DACH1: variants seen among roughly 807,000 people sequenced by gnomAD.
The protein encoded by DACH1 is dachshund family transcription factor 1.
DACH1 carries 12 observed loss-of-function variants against 54.2 expected under a neutral mutation model. The observed-to-expected ratio is 0.22, with a 90% CI of 0.14 to 0.36. DACH1 has a LOEUF of 0.36. Ranked by LOEUF, DACH1 falls within the 10% of genes least tolerant of loss-of-function variation. The pLI is 1.00. For missense variants in DACH1, 805 were observed against 929.8 expected, an observed-to-expected ratio of 0.87 and a Z score of 1.75; for synonymous variants, 386 against 366.2, an observed-to-expected ratio of 1.05 and a Z score of -0.62.
At chr13:71,810,352 G>C (rs544739123) in intron 1 of DACH1, among the ~76,000 whole-genome samples, 1 of 152,004 alleles carries the variant, frequency 6.6e-6, no homozygotes. Context: ...AAAAGAGTAC[G>C]GGCAAAGAGA....
chr13:71,809,999 T>C (rs1027560722), intron 1 of DACH1, among the ~76,000 whole-genome samples: 1 of 152,214 alleles, frequency 6.6e-6, no homozygotes, highest in Admixed American at 6.6e-5. Context: ...TGTGTGTGTA[T>C]GCTGTAGACA....
At chr13:71,451,644 T>C (rs1875070706) in intron 10 of DACH1, among the ~76,000 whole-genome samples, 1 of 152,268 alleles carries the variant, frequency 6.6e-6, no homozygotes, top group Admixed American at 6.5e-5. Flanking sequence ...TTTTCAAAAA[T>C]GTCAATTTTA....
chr13:71,542,776 C>CATGTT (rs1297072894), intron 6 of DACH1, among the ~76,000 whole-genome samples: 1 of 152,118 alleles, frequency 6.6e-6, no homozygotes, highest in East Asian at 1.9e-4. Flanking sequence ...GTACCATCCA[C>CATGTT]ATGTTATAGA....
intron 1 of DACH1, among the ~76,000 whole-genome samples, chr13:71,850,005 C>T (rs957948324): frequency 2.0e-5 from 3 of 152,172 alleles, no homozygotes; most frequent in Non-Finnish European, 4.4e-5. Flanking sequence ...CGCTTACACT[C>T]CTAATGTTGC....
intron 6 of DACH1, among the ~76,000 whole-genome samples, chr13:71,540,603 T>C (rs1035981884): frequency 6.6e-6 from 1 of 152,128 alleles, no homozygotes; most frequent in Non-Finnish European, 1.5e-5. Flanking sequence ...ATGAAACTGA[T>C]ACTACATATC....
chr13:71,526,514 A>C (rs2138294056), intron 6 of DACH1, among the ~76,000 whole-genome samples: 1 of 152,180 alleles, frequency 6.6e-6, no homozygotes, highest in Admixed American at 6.5e-5. Flanking sequence ...TAATCTGTAA[A>C]ATGGGAAAAA....
At chr13:71,471,701 G>T (rs59538774) in intron 10 of DACH1, among the ~76,000 whole-genome samples, 1 of 151,634 alleles carries the variant, frequency 6.6e-6, no homozygotes, top group Admixed American at 6.6e-5. Flanking sequence ...ATGGTGAACC[G>T]AGATGGTGCC....
At chr13:71,538,206 G>C (rs1485045350) in intron 6 of DACH1, among the ~76,000 whole-genome samples, 1 of 151,900 alleles carries the variant, frequency 6.6e-6, no homozygotes, top group Non-Finnish European at 1.5e-5. Flanking sequence ...ATAATACTAA[G>C]GTTAAAAATC....
At chr13:71,444,449 A>G (rs1874271758) in intron 10 of DACH1, among the ~76,000 whole-genome samples, 1 of 152,154 alleles carries the variant, frequency 6.6e-6, no homozygotes, top group Non-Finnish European at 1.5e-5. Context: ...AGGATTAAAC[A>G]GAGGGAACCG....
intron 1 of DACH1, among the ~76,000 whole-genome samples, chr13:71,771,513 T>C (rs1482392246): frequency 6.6e-6 from 1 of 151,400 alleles, no homozygotes; most frequent in Non-Finnish European, 1.5e-5. Flanking sequence ...TCAGTAACTT[T>C]TGAACCAAAG....
At chr13:71,767,930 A>G (rs925598865) in intron 1 of DACH1, among the ~76,000 whole-genome samples, 13 of 152,134 alleles carry the variant, frequency 8.5e-5, no homozygotes, top group African/African-American at 2.9e-4. Flanking sequence ...CAATGAAGCA[A>G]TATTTTAAAA....
rs545648563 is a variant in DACH1, at chr13:71,562,061, G to A, written c.1300-2106C>T. Among the ~76,000 whole-genome samples, 22 of 152,056 alleles carry A rather than the reference G, an allele frequency of 1.4e-4. No homozygotes were observed. In the South Asian group the frequency reaches 3.5e-3, roughly 24 times the overall value. Reference sequence around the variant, plus strand: ...ATTTTAATCTCGAAAGTTGCAATGCGTATTACAATCTTGTCGTAATGATAA... The same window carrying A: ...ATTTTAATCTCGAAAGTTGCAATGCATATTACAATCTTGTCGTAATGATAA... On this transcript the variant is annotated intron_variant, in intron 4 of 10. Coordinates refer to ENST00000613252, the MANE Select transcript of DACH1 (RefSeq NM_080759.6).
chr13:71,726,498 C>G (rs1280312768), intron 1 of DACH1, among the ~76,000 whole-genome samples: 1 of 151,868 alleles, frequency 6.6e-6, no homozygotes, highest in Non-Finnish European at 1.5e-5. Context: ...AAAAAGTATA[C>G]GCCTAATAGA....
At chr13:71,762,468 G>A (rs534983680) in intron 1 of DACH1, among the ~76,000 whole-genome samples, 19 of 152,126 alleles carry the variant, frequency 1.2e-4, no homozygotes, top group South Asian at 4.1e-4. Flanking sequence ...ATTTAGGAAT[G>A]TACATCTAGG....
chr13:71,805,570 G>A (rs948539373), intron 1 of DACH1, among the ~76,000 whole-genome samples: 22 of 152,098 alleles, frequency 1.4e-4, no homozygotes, highest in Non-Finnish European at 1.5e-5. Context: ...TTTGTTTTTT[G>A]AGGAAAACAC....
At chr13:71,455,418 A>G (rs1195150556) in intron 10 of DACH1, among the ~76,000 whole-genome samples, 1 of 152,242 alleles carries the variant, frequency 6.6e-6, no homozygotes, top group Non-Finnish European at 1.5e-5. Context: ...GTAGGTGGAA[A>G]TAATTTGCTT....
At chr13:71,704,267 G>A (rs1210117938) in intron 1 of DACH1, 3 of 259,986 alleles carry the variant, frequency 1.2e-5, no homozygotes, top group Non-Finnish European at 2.3e-5. Context: ...CTTTGGCCAC[G>A]AATATGCAAA....
intron 10 of DACH1, among the ~76,000 whole-genome samples, chr13:71,448,458 G>T (rs1358464682): frequency 6.6e-6 from 1 of 152,210 alleles, no homozygotes; most frequent in Admixed American, 6.5e-5. Flanking sequence ...AACAGGAACA[G>T]ATGGGAAGGA....
At chr13:71,452,629 G>T (rs757922342) in intron 10 of DACH1, among the ~76,000 whole-genome samples, 1 of 152,160 alleles carries the variant, frequency 6.6e-6, no homozygotes, top group Non-Finnish European at 1.5e-5. Context: ...TTTTTGAGAA[G>T]TTTATTCAAG....
Sources: allele counts gnomAD v4.1 joint callset (sites outside exome capture counted in the v4.1 genomes callset), GRCh38; gene constraint gnomAD v4.1.1; transcripts MANE v1.5; gene names NCBI Gene and HGNC (gene_info 2026-07-23, HGNC 2026-07-21).